Variants in XKR4 observed in about 807,000 individuals in gnomAD.
XKR4 encodes XK-related protein 4.
A neutral mutation model predicts 53.9 loss-of-function variants in XKR4; 12 were observed. The ratio of observed to expected loss-of-function variants is 0.22; its 90% CI spans 0.14 to 0.36. The LOEUF (loss-of-function observed/expected upper bound fraction) is 0.36, where lower values mean the gene tolerates loss of function less well. Ranked by LOEUF, XKR4 falls within the 10% of genes least tolerant of loss-of-function variation. The pLI is 1.00. For missense variants in XKR4, 799 were observed against 859.5 expected, an observed-to-expected ratio of 0.93 and a Z score of 0.88; for synonymous variants, 354 against 362.4, an observed-to-expected ratio of 0.98 and a Z score of 0.26.
intron 1 of XKR4, among the ~76,000 whole-genome samples, chr8:55,326,516 G>GTTGGAGT (rs1460489429): frequency 7.4e-6 from 1 of 135,094 alleles, no homozygotes; most frequent in Non-Finnish European, 1.5e-5. Context: ...TGTCACCCAG[G>GTTGGAGT]TTGGAGTGCA....
intron 1 of XKR4, among the ~76,000 whole-genome samples, chr8:55,122,357 T>C (rs987468671): frequency 1.3e-5 from 2 of 152,256 alleles, no homozygotes; most frequent in African/African-American, 2.4e-5. Context: ...TTTTTGGTTT[T>C]AAAATTTTAT....
At chr8:55,245,540 C>T (rs16921493) in intron 1 of XKR4, among the ~76,000 whole-genome samples, 3,542 of 152,190 alleles carry the variant, frequency 0.023, 154 homozygotes, top group African/African-American at 0.078. Context: ...CTGATTGCAT[C>T]GCTGTTTTCT....
chr8:55,175,999 A>G (rs1275410307), intron 1 of XKR4, among the ~76,000 whole-genome samples: 1 of 152,346 alleles, frequency 6.6e-6, no homozygotes, highest in Non-Finnish European at 1.5e-5. Flanking sequence ...CCATAAAAAT[A>G]TGACACTTTT....
At chr8:55,229,624 C>G (rs1380730337) in intron 1 of XKR4, among the ~76,000 whole-genome samples, 1 of 152,238 alleles carries the variant, frequency 6.6e-6, no homozygotes, top group Non-Finnish European at 1.5e-5. Context: ...AGTTTCTCCA[C>G]TTTCACTTGT....
chr8:55,296,206 G>A lies in XKR4; in HGVS notation c.807-61472G>A, dbSNP rs76673160. ...CAGGAATCCAGCATGAGGGGAAGGA[G>A]GGAGAGGTGGGGGCATATTCTTTCC... On this transcript the variant is annotated intron_variant, in intron 1 of 2. Transcript: ENST00000327381. 6.7e-3 allele frequency among the ~76,000 whole-genome samples: 1,025 copies of A among 152,272 alleles called. 13 individuals are homozygous for A. Among genetic ancestry groups the A allele is most frequent in the African/African-American group, 0.023 (942 of 41,552 alleles).
chr8:55,410,399 A>T (rs143080833), intron 2 of XKR4, among the ~76,000 whole-genome samples: 1 of 152,318 alleles, frequency 6.6e-6, no homozygotes, highest in Admixed American at 6.5e-5. Flanking sequence ...ATTTCCATAC[A>T]GGTGACCTGC....
At chr8:55,450,263 G>A (rs950857572) in intron 2 of XKR4, 7 of 678,138 alleles carry the variant, frequency 1.0e-5, no homozygotes, top group African/African-American at 9.1e-5. Flanking sequence ...GGGGCTCAGG[G>A]GGTTCCCCGA....
rs1585560445 is a variant in XKR4, at chr8:55,410,288, T to C, written c.1006+52411T>C. 2.0e-5 allele frequency among the ~76,000 whole-genome samples: 3 copies of C among 152,106 alleles called. No individual in the cohort carries two copies. The South Asian group carries it at 6.2e-4, about 32-fold the overall frequency. On this transcript the variant is annotated intron_variant, in intron 2 of 2. Coordinates refer to ENST00000327381, the MANE Select transcript of XKR4 (RefSeq NM_052898.2). ...CCTCCCTTCTCCACTGATTTCCGGGTCCATCCACTGGCTGTGATGGCTTTC... is the reference window on the plus strand; with the variant it reads ...CCTCCCTTCTCCACTGATTTCCGGGCCCATCCACTGGCTGTGATGGCTTTC...
intron 1 of XKR4, among the ~76,000 whole-genome samples, chr8:55,352,132 T>C (rs1181640708): frequency 6.6e-6 from 1 of 152,242 alleles, no homozygotes; most frequent in Non-Finnish European, 1.5e-5. Context: ...TTTTCCCTAG[T>C]TAAAGTCTGA....
At chr8:55,312,006 T>C (rs1819396210) in intron 1 of XKR4, among the ~76,000 whole-genome samples, 2 of 152,170 alleles carry the variant, frequency 1.3e-5, no homozygotes, top group African/African-American at 2.4e-5. Context: ...AAATTTGCTC[T>C]GAAACAGCCT....
At chr8:55,117,743 T>G (rs1399203263) in intron 1 of XKR4, among the ~76,000 whole-genome samples, 3 of 152,190 alleles carry the variant, frequency 2.0e-5, no homozygotes, top group African/African-American at 7.2e-5. Flanking sequence ...CCACTATATC[T>G]TACTATTCCA....
intron 2 of XKR4, among the ~76,000 whole-genome samples, chr8:55,368,335 T>C (rs904870994): frequency 6.6e-6 from 1 of 152,182 alleles, no homozygotes; most frequent in African/African-American, 2.4e-5. Flanking sequence ...AAGTACAAAC[T>C]GGTGACAGGC....
At chr8:55,356,222 G>T (rs372325287) in intron 1 of XKR4, among the ~76,000 whole-genome samples, 1 of 152,122 alleles carries the variant, frequency 6.6e-6, no homozygotes, top group African/African-American at 2.4e-5. Flanking sequence ...ATCAGTATAT[G>T]GTAAGATCAT....
intron 1 of XKR4, among the ~76,000 whole-genome samples, chr8:55,130,260 A>C (rs1816535714): frequency 6.6e-6 from 1 of 152,224 alleles, no homozygotes; most frequent in African/African-American, 2.4e-5. Flanking sequence ...ATAAAGCAGA[A>C]GGAAAAGAGA....
At chr8:55,486,206 C>T (rs1806189229) in intron 2 of XKR4, among the ~76,000 whole-genome samples, 1 of 152,166 alleles carries the variant, frequency 6.6e-6, no homozygotes, top group African/African-American at 2.4e-5. Flanking sequence ...GTGCACCCAG[C>T]TTTATAGCTA....
intron 2 of XKR4, chr8:55,452,308 C>G: frequency 1.6e-6 from 1 of 644,746 alleles, no homozygotes; most frequent in Non-Finnish European, 2.9e-6. Context: ...TTGGTCAGCG[C>G]GGCCACCGGG....
At chr8:55,239,874 C>T (rs1818184856) in intron 1 of XKR4, among the ~76,000 whole-genome samples, 1 of 152,170 alleles carries the variant, frequency 6.6e-6, no homozygotes, top group Admixed American at 6.6e-5. Context: ...AGAAGGAGAA[C>T]TCTTGCAAAC....
intron 1 of XKR4, among the ~76,000 whole-genome samples, chr8:55,199,225 A>C (rs1241561719): frequency 6.6e-6 from 1 of 152,208 alleles, no homozygotes; most frequent in Non-Finnish European, 1.5e-5. Context: ...TTGTTTACAA[A>C]AAAGAAAAAA....
intron 2 of XKR4, among the ~76,000 whole-genome samples, chr8:55,476,602 A>T (rs1805989676): frequency 6.6e-6 from 1 of 152,070 alleles, no homozygotes; most frequent in Non-Finnish European, 1.5e-5. Context: ...GCATTGCCTC[A>T]CTCAGGAAGT....
Sources: allele counts gnomAD v4.1 joint callset (sites outside exome capture counted in the v4.1 genomes callset), GRCh38; gene constraint gnomAD v4.1.1; transcripts MANE v1.5; gene names NCBI Gene and HGNC (gene_info 2026-07-23, HGNC 2026-07-21).